The following TDRD9 variants were observed in gnomAD, a reference collection of about 807,000 sequenced individuals.
TDRD9 encodes the protein tudor domain containing 9.
In TDRD9, 124 loss-of-function variants were observed where a neutral mutation model predicts 172.6. The observed-to-expected ratio is 0.72, with a 90% CI of 0.62 to 0.83. TDRD9 has a LOEUF of 0.83. Ranked by LOEUF, TDRD9 falls within the 40% of genes least tolerant of loss-of-function variation. The pLI is 0.00. For synonymous variants in TDRD9, 619 were observed against 617.1 expected (o/e 1.00, Z -0.05); for missense variants, 1,479 against 1,714.1 (o/e 0.86, Z 2.42).
chr14:103,975,676 T>C (rs2033208036), intron 7 of TDRD9, 123 bp downstream of exon 7: 1 of 928,530 alleles, frequency 1.1e-6, no homozygotes, highest in African/African-American at 1.7e-5. Flanking sequence ...TGATGCATAC[T>C]AAGTGTACAT....
chr14:103,971,810 G>A (rs1018920167), intron 6 of TDRD9, among the ~76,000 whole-genome samples: 1 of 152,096 alleles, frequency 6.6e-6, no homozygotes, highest in Admixed American at 6.6e-5. Context: ...ATAATGACAT[G>A]CTGGGTTTTG....
At chr14:103,938,584 G>A (rs1454514910) in intron 1 of TDRD9, among the ~76,000 whole-genome samples, 17 of 150,892 alleles carry the variant, frequency 1.1e-4, no homozygotes, top group African/African-American at 2.4e-4. Flanking sequence ...GACTACAGGC[G>A]CCAGCTACCA....
rs138890978 is a variant in TDRD9 at position 103,984,778 on chromosome 14, C to T, written c.1012-1439C>T. On this transcript the variant is annotated intron_variant, in intron 7 of 35. Transcript: ENST00000409874. The stretch of plus-strand genomic sequence containing the variant: ...CCAGACCCCAGAATGATAGATCCAC[C>T]GACAGCTTGTACCACGCACCTGGAA... 1.2e-4 allele frequency among the ~76,000 whole-genome samples: 18 copies of T among 152,200 alleles called. No individual in the cohort carries two copies. The South Asian group carries it at 1.2e-3, about 11-fold the overall frequency.
intron 1 of TDRD9, chr14:103,941,278 C>CG: frequency 2.3e-6 from 2 of 877,628 alleles, no homozygotes; most frequent in Non-Finnish European, 3.3e-6. Flanking sequence ...AAAACAATTG[C>CG]TCACCAGACA....
chr14:104,052,138 C>A lies in TDRD9; in HGVS notation c.*56C>A. On this transcript the variant is annotated 3_prime_UTR_variant, in exon 36 of 36. Coordinates refer to ENST00000409874, the MANE Select transcript of TDRD9 (RefSeq NM_153046.3). ...CTCAGGAAGCTGTGGAGGCTGGATT[C>A]CAGGCTCCCTCCGCAGACTGACTTT... 2 of 1,288,618 alleles carry A rather than the reference C, an allele frequency of 1.6e-6. No homozygotes were observed. Among genetic ancestry groups the A allele is most frequent in the South Asian group, 1.3e-5 (1 of 77,362 alleles). 79.8% of individuals were successfully genotyped at this position (1,288,618 alleles called of 1,614,324 possible). A position where few individuals can be genotyped will look rare whatever the true frequency, so the allele number is the denominator to read the frequency against.
At chr14:104,033,899 C>T in intron 30 of TDRD9, 61 bp from the exon 31 acceptor site, 1 of 1,058,764 alleles carries the variant, frequency 9.4e-7, no homozygotes, top group Non-Finnish European at 1.4e-6. Flanking sequence ...TGTGGGTTGG[C>T]ATAGCACATT....
At chr14:103,983,543 T>G (rs1335609360) in intron 7 of TDRD9, among the ~76,000 whole-genome samples, 3 of 152,136 alleles carry the variant, frequency 2.0e-5, no homozygotes, top group African/African-American at 7.2e-5. Flanking sequence ...GTAAAATTAT[T>G]AATTAAAAAA....
Position 104,050,651 on chromosome 14 carries a change from T to C in TDRD9, c.4047+971T>C, listed in dbSNP as rs561327870. ...TGCTGTGAGGCTCGCCTGCTCCCCC[T>C]GTGCCCTGTGCCTAGGTCCCTCTTT... is the stretch of plus-strand genomic sequence containing the variant. On this transcript the variant is annotated intron_variant, in intron 35 of 35. Transcript: ENST00000409874. Among the ~76,000 whole-genome samples, 25 of 152,282 alleles carry C rather than the reference T, an allele frequency of 1.6e-4. No homozygotes were observed. The East Asian group carries it at 4.1e-3, about 25-fold the overall frequency.
chr14:103,994,638 T>C (rs2033991408), intron 11 of TDRD9, 35 bp downstream of exon 11: 1 of 1,569,330 alleles, frequency 6.4e-7, no homozygotes, highest in Non-Finnish European at 8.7e-7. Context: ...CTAAGCACTT[T>C]AGGTAAATTT....
intron 21 of TDRD9, 149 bp from the exon 22 acceptor site, chr14:104,015,832 T>C: frequency 2.0e-6 from 1 of 488,862 alleles, no homozygotes; most frequent in Non-Finnish European, 3.5e-6. Context: ...ACTTTCTGCT[T>C]GGTTGGTGAA....
At chr14:103,934,378 G>A (rs1198950450) in intron 1 of TDRD9, among the ~76,000 whole-genome samples, 1 of 152,160 alleles carries the variant, frequency 6.6e-6, no homozygotes, top group Non-Finnish European at 1.5e-5. Context: ...TTTTCCCATT[G>A]ATTAAAAAAG....
At chr14:104,000,329 C>CAAAAA (rs60498436) in intron 13 of TDRD9, among the ~76,000 whole-genome samples, 4 of 127,948 alleles carry the variant, frequency 3.1e-5, no homozygotes, top group Non-Finnish European at 3.2e-5. Context: ...AGCCCCGTCT[C>CAAAAA]AAAAAAAAAA....
intron 6 of TDRD9, among the ~76,000 whole-genome samples, chr14:103,971,185 G>A (rs370820917): frequency 1.3e-3 from 192 of 150,924 alleles, no homozygotes; most frequent in African/African-American, 3.7e-3. Flanking sequence ...GGGTTTCATC[G>A]TGTTAGCCAG....
At position 103,968,969 on chromosome 14, in the gene TDRD9, G is replaced by A. The variant is rs369325604; in HGVS notation, c.766-1572G>A. On this transcript the variant is annotated intron_variant, in intron 5 of 35. Transcript: ENST00000409874. ...CAAAAAATTAGCCGGGCATGGTGGC[G>A]GGCACCTGTAGTCCCAGCTACTCGG... Among the ~76,000 whole-genome samples the A allele has an allele frequency of 7.7e-3, 1,134 of 147,810 alleles. 13 individuals are homozygous for A. The highest frequency in any genetic ancestry group is 0.027 in the African/African-American group (1,088 of 40,324).
chr14:104,035,078 A>G, intron 32 of TDRD9, 22 bp downstream of exon 32: 1 of 1,539,210 alleles, frequency 6.5e-7, no homozygotes, highest in Non-Finnish European at 8.8e-7. Context: ...CCTCTTGTCT[A>G]TAGGCTTTGT....
intron 2 of TDRD9, among the ~76,000 whole-genome samples, chr14:103,956,361 C>A (rs2032243452): frequency 6.6e-6 from 1 of 151,450 alleles, no homozygotes; most frequent in Non-Finnish European, 1.5e-5. Flanking sequence ...TCACTTGAAC[C>A]TGGGAGGCAG....
intron 14 of TDRD9, among the ~76,000 whole-genome samples, chr14:104,004,828 A>G (rs78367570): frequency 0.022 from 3,370 of 152,216 alleles, 58 homozygotes; most frequent in Non-Finnish European, 0.036. Context: ...TACAGTTTTA[A>G]TGAGAGGATG....
At position 103,970,631 on chromosome 14, in the gene TDRD9, A is replaced by C. The variant is rs1194349196; in HGVS notation, c.846+10A>C. Reference sequence around the variant, plus strand: ...TTCACGTTTTGTGAAGGTAAATTTGATTTCATGAGTAACAGACATATTTAG... The same window carrying C: ...TTCACGTTTTGTGAAGGTAAATTTGCTTTCATGAGTAACAGACATATTTAG... On this transcript the variant is annotated intron_variant, in intron 6 of 35. Coordinates refer to ENST00000409874, the MANE Select transcript of TDRD9 (RefSeq NM_153046.3). The C allele has an allele frequency of 6.6e-7, 1 of 1,525,504 alleles. No homozygotes were observed. Among genetic ancestry groups the C allele is most frequent in the Admixed American group, 2.0e-5 (1 of 50,926 alleles). The allele number at this position is 1,525,504 out of a possible 1,614,324, so 94.5% of individuals were successfully genotyped here.
At chr14:103,991,646 T>C (rs926244789) in intron 9 of TDRD9, among the ~76,000 whole-genome samples, 4 of 152,106 alleles carry the variant, frequency 2.6e-5, no homozygotes, top group Non-Finnish European at 5.9e-5. Context: ...CTCTTGACCT[T>C]GTGATCTGCC....
Sources: allele counts gnomAD v4.1 joint callset (sites outside exome capture counted in the v4.1 genomes callset), GRCh38; gene constraint gnomAD v4.1.1; transcripts MANE v1.5; gene names NCBI Gene and HGNC (gene_info 2026-07-23, HGNC 2026-07-21).